Variants in RBFOX3 observed in about 807,000 individuals in gnomAD.
The protein encoded by RBFOX3 is RNA binding protein fox-1 homolog 3.
RBFOX3 carries 17 observed loss-of-function variants against 48.7 expected under a neutral mutation model. The ratio of observed to expected loss-of-function variants is 0.35; its 90% confidence interval spans 0.24 to 0.52. The LOEUF (loss-of-function observed/expected upper bound fraction) is 0.52. RBFOX3 is among the 20% of genes least tolerant of loss of function. The pLI, the probability that RBFOX3 is intolerant of heterozygous loss-of-function variation, is 0.94. For missense variants in RBFOX3, 382 were observed against 497.5 expected, an observed-to-expected ratio of 0.77 and a Z score of 2.21; for synonymous variants, 212 against 209.5, an observed-to-expected ratio of 1.01 and a Z score of -0.10.
upstream of RBFOX3, among the ~76,000 whole-genome samples, chr17:79,614,935 G>A (rs1396603185): frequency 1.3e-5 from 2 of 150,726 alleles, no homozygotes; most frequent in African/African-American, 4.9e-5. Context: ...AGAAGGAGGA[G>A]GAGGAGAAGA....
At chr17:79,332,972 A>C (rs993780203) in intron 2 of RBFOX3, among the ~76,000 whole-genome samples, 1 of 145,818 alleles carries the variant, frequency 6.9e-6, no homozygotes, top group African/African-American at 2.5e-5. Context: ...GACAGACAGA[A>C]AGAGGTAGAG....
At chr17:79,174,355 GCACA>G (rs146068562) in intron 4 of RBFOX3, among the ~76,000 whole-genome samples, 16,805 of 148,724 alleles carry the variant, frequency 0.11, 1,030 homozygotes, top group Middle Eastern at 0.15. Flanking sequence ...AGCCACACGT[GCACA>G]CAGACACATG....
At chr17:79,594,322 T>C (rs1003331452) in intron 1 of RBFOX3, among the ~76,000 whole-genome samples, 2 of 152,172 alleles carry the variant, frequency 1.3e-5, no homozygotes, top group Non-Finnish European at 1.5e-5. Flanking sequence ...GACGGCACTC[T>C]GCGGGGCAGC....
At chr17:79,437,196 C>T (rs1003009259) in intron 2 of RBFOX3, among the ~76,000 whole-genome samples, 1 of 152,126 alleles carries the variant, frequency 6.6e-6, no homozygotes, top group South Asian at 2.1e-4. Flanking sequence ...CCCAGGAGCC[C>T]CCCTGGGGTC....
In RBFOX3 at chr17:79,462,949, C is replaced by T. The variant is rs555776955; in HGVS notation, c.-175+19505G>A. Among the ~76,000 whole-genome samples the T allele has an allele frequency of 1.5e-4, 23 of 152,216 alleles. No homozygotes were observed. The East Asian group carries it at 4.2e-3, about 28-fold the overall frequency. ...AAGAGAAGCCTCTTTGAGCATCGTT[C>T]GATTGCCCTGTTGCCACTGCCACCT... On this transcript the variant is annotated intron_variant, in intron 2 of 14. Coordinates refer to ENST00000693108, the MANE Select transcript of RBFOX3 (RefSeq NM_001350451.2).
chr17:79,414,375 T>C lies in RBFOX3; in HGVS notation c.-175+68079A>G, dbSNP rs998284483. Among the ~76,000 whole-genome samples, 95 of 152,208 alleles carry C rather than the reference T, an allele frequency of 6.2e-4. 1 individual carries two copies. The highest frequency in any genetic ancestry group is 1.2e-3 in the Non-Finnish European group (83 of 68,030). The stretch of plus-strand genomic sequence containing the variant: ...CCTTCACACCACATTATTATTACTT[T>C]TTAATTATGAATAATTTCCTCCTTT... On this transcript the variant is annotated intron_variant, in intron 2 of 14. Coordinates refer to ENST00000693108, the MANE Select transcript of RBFOX3 (RefSeq NM_001350451.2).
chr17:79,147,805 C>T (rs1019101351), intron 4 of RBFOX3, among the ~76,000 whole-genome samples: 1 of 152,174 alleles, frequency 6.6e-6, no homozygotes, highest in Non-Finnish European at 1.5e-5. Context: ...GAGGCAGTAG[C>T]TGGTGCAAGC....
At position 79,111,104 on chromosome 17, in the gene RBFOX3, C is replaced by T. The variant is rs549231636; in HGVS notation, c.223-4316G>A. Among the ~76,000 whole-genome samples the T allele has an allele frequency of 2.6e-5, 4 of 152,334 alleles. No homozygotes were observed. The highest frequency in any genetic ancestry group is 2.1e-4 in the South Asian group (1 of 4,834). On this transcript the variant is annotated intron_variant, in intron 5 of 14. Transcript: ENST00000693108. The surrounding 1 kb of genome is among the most constrained non-coding windows in gnomAD (Gnocchi z 4.2). ...AGATCAGGGCAAGTGCGGGAGTTTC[C>T]GAGGAGGCTCAGGCCCGACGGACAG...
chr17:79,208,062 C>T (rs1285662083), intron 4 of RBFOX3, among the ~76,000 whole-genome samples: 1 of 152,134 alleles, frequency 6.6e-6, no homozygotes, highest in Non-Finnish European at 1.5e-5. Context: ...GTTCTCCCCT[C>T]ACGCCCTTCT....
At chr17:79,379,299 T>C (rs116077961) in intron 2 of RBFOX3, among the ~76,000 whole-genome samples, 2,675 of 152,250 alleles carry the variant, frequency 0.018, 78 homozygotes, top group African/African-American at 0.061. Flanking sequence ...CCCGACTCCT[T>C]GCCTGCCCTG....
rs1568206276 is a variant in RBFOX3, at chr17:79,138,684, A to ACATATGCACACG, written c.-33-22937_-33-22936insCGTGTGCATATG. Among the ~76,000 whole-genome samples, 401 of 83,484 alleles carry ACATATGCACACG rather than the reference A, an allele frequency of 4.8e-3. 5 individuals carry two copies. The highest frequency in any genetic ancestry group is 0.023 in the Middle Eastern group (4 of 174). 54.8% of individuals were successfully genotyped at this position (83,484 alleles called of 152,430 possible). A position where few individuals can be genotyped will look rare whatever the true frequency, so the allele number is the denominator to read the frequency against. On this transcript the variant is annotated intron_variant, in intron 4 of 14. Coordinates refer to ENST00000693108, the MANE Select transcript of RBFOX3 (RefSeq NM_001350451.2). ...CACATGCATTCACACCCTCACCCAT[A>ACATATGCACACG]CACATGGACACAGCACATGCGTTCA...
chr17:79,157,475 G>A (rs1451426496), intron 4 of RBFOX3, among the ~76,000 whole-genome samples: 1 of 152,232 alleles, frequency 6.6e-6, no homozygotes, highest in African/African-American at 2.4e-5. Context: ...TTCCCCCTGG[G>A]TCACCAAATC....
intron 2 of RBFOX3, among the ~76,000 whole-genome samples, chr17:79,393,819 C>T (rs768130476): frequency 1.3e-5 from 2 of 150,686 alleles, no homozygotes; most frequent in Non-Finnish European, 2.9e-5. Context: ...AGCCAGTCAT[C>T]ATGCACATCT....
intron 4 of RBFOX3, among the ~76,000 whole-genome samples, chr17:79,127,773 G>A (rs947940283): frequency 4.6e-5 from 7 of 152,200 alleles, no homozygotes; most frequent in Admixed American, 1.3e-4. Context: ...GGATATCTCC[G>A]AGGAGGGTGG....
intron 1 of RBFOX3, among the ~76,000 whole-genome samples, chr17:79,497,459 A>G (rs2081710174): frequency 6.6e-6 from 1 of 152,176 alleles, no homozygotes. Context: ...AAAAAAAGCA[A>G]TCATCAATGT....
chr17:79,165,000 C>T (rs965893820), intron 4 of RBFOX3, among the ~76,000 whole-genome samples: 4 of 152,318 alleles, frequency 2.6e-5, no homozygotes, highest in Non-Finnish European at 4.4e-5. Context: ...GACCAGACCA[C>T]ACGCTCATCT....
chr17:79,317,848 A>G (rs1054012919), intron 2 of RBFOX3, among the ~76,000 whole-genome samples: 2 of 152,092 alleles, frequency 1.3e-5, no homozygotes, highest in Non-Finnish European at 2.9e-5. Context: ...AGGCAAAGAG[A>G]TTCGATCTGG....
At chr17:79,554,739 T>A (rs2091482677) in intron 1 of RBFOX3, among the ~76,000 whole-genome samples, 1 of 152,252 alleles carries the variant, frequency 6.6e-6, no homozygotes, top group South Asian at 2.1e-4. Context: ...TGATGTAATA[T>A]ACAATCATTA....
At chr17:79,097,195 G>C in intron 11 of RBFOX3, 97 bp downstream of exon 11, 1 of 976,098 alleles carries the variant, frequency 1.0e-6, no homozygotes, top group Non-Finnish European at 1.4e-6. Flanking sequence ...GGTCTGGAAA[G>C]GCTGCCTAGC....
Sources: allele counts gnomAD v4.1 joint callset (sites outside exome capture counted in the v4.1 genomes callset), GRCh38; gene constraint gnomAD v4.1.1; non-coding constraint Gnocchi (gnomAD v3.1); transcripts MANE v1.5; gene names NCBI Gene and HGNC (gene_info 2026-07-23, HGNC 2026-07-21).